MXRA8: variants seen among roughly 807,000 people sequenced by gnomAD.
MXRA8 encodes matrix remodeling associated 8, also known as matrix remodeling-associated protein 8.
In MXRA8, 44 loss-of-function variants were observed where a neutral mutation model predicts 51.4. The ratio of observed to expected loss-of-function variants is 0.86; its 90% confidence interval spans 0.67 to 1.10. The LOEUF is 1.10. MXRA8 is among the 50% of genes least tolerant of loss of function. The pLI is 0.00. For synonymous variants in MXRA8, 369 were observed against 293.5 expected (o/e 1.26, Z -2.63); for missense variants, 765 against 638.9 (o/e 1.20, Z -2.13).
In MXRA8 at chr1:1,354,420, C is replaced by T; in HGVS notation, c.1039G>A (p.Ala347Thr). The change falls in exon 6 of 10, where the codon GCC becomes ACC. Residue 347 changes from alanine to threonine, a missense_variant. Coordinates refer to ENST00000309212, the MANE Select transcript of MXRA8 (RefSeq NM_032348.4). ...HFFQQLGYVLATLLLFILLLV... is the reference protein window; with the variant it reads ...HFFQQLGYVLTTLLLFILLLV... ...AGCAGGATGAAGAGCAGCAGCGTGG[C>T]CAGCACGTAGCCCAGCTGCTGGAAG... 2 of 1,612,464 alleles carry T rather than the reference C, an allele frequency of 1.2e-6. No homozygotes were observed. Among genetic ancestry groups the T allele is most frequent in the Non-Finnish European group, 1.7e-6 (2 of 1,179,876 alleles).
In MXRA8 at chr1:1,355,572, G is replaced by GCGGGGCCACCCC. The variant is rs1644108135; in HGVS notation, c.242_253dup (p.Gly81_Pro84dup). On this transcript the variant is annotated inframe_insertion, in exon 3 of 10. Transcript: ENST00000309212. Reference sequence around the variant, plus strand: ...CGAGTACAAGTCCAGCAGGCGCCGCGCGGGGCCACCCCCGGGGCCGCGCAG... The same window carrying GCGGGGCCACCCC: ...CGAGTACAAGTCCAGCAGGCGCCGCGCGGGGCCACCCCCGGGGCCACCCCCGGGGCCGCGCAG... 4 of 1,479,548 alleles carry GCGGGGCCACCCC rather than the reference G, an allele frequency of 2.7e-6. No homozygotes were observed. In the Middle Eastern group the frequency reaches 6.8e-4, roughly 250 times the overall value. 91.7% of individuals were successfully genotyped at this position (1,479,548 alleles called of 1,614,324 possible).
At chr1:1,353,772 C>T in intron 9 of MXRA8, 76 bp downstream of exon 9, 1 of 1,486,632 alleles carries the variant, frequency 6.7e-7, no homozygotes, top group Non-Finnish European at 9.0e-7. Flanking sequence ...TGGTGCCTGC[C>T]ATCGTTGGTC....
chr1:1,355,798 G>A, intron 2 of MXRA8, 46 bp from the exon 3 acceptor site: 5 of 1,061,254 alleles, frequency 4.7e-6, no homozygotes, highest in Non-Finnish European at 6.0e-6. Flanking sequence ...GGCCCCCTAG[G>A]GCCCTGGTTG....
intron 2 of MXRA8, among the ~76,000 whole-genome samples, chr1:1,355,953 C>G (rs1462190276): frequency 1.2e-4 from 2 of 16,688 alleles, no homozygotes; most frequent in Admixed American, 8.3e-4. Flanking sequence ...GGGGGAGTCA[C>G]TGGGGGAGGG....
chr1:1,363,473 G>C (rs1441167289), upstream of MXRA8, among the ~76,000 whole-genome samples: 1 of 144,994 alleles, frequency 6.9e-6, no homozygotes, highest in Non-Finnish European at 1.5e-5. Context: ...TTGTTCTTTT[G>C]CTCAGGATGG....
rs756633467 is a variant in MXRA8 at position 1,355,194 on chromosome 1, CGGTCGAG to C, written c.478+43_479-43del. On this transcript the variant is annotated intron_variant, in intron 4 of 9. Coordinates refer to ENST00000309212, the MANE Select transcript of MXRA8 (RefSeq NM_032348.4). ...GTCAGCGGCGCGCGGGCCGGGGCGG[CGGTCGAG>C]GGTCGAGGGGCGGGAGCTGGGGGGC... 2.1e-4 allele frequency: 188 copies of C among 875,314 alleles called. 1 individual carries two copies. In the South Asian group the frequency reaches 3.2e-3, roughly 15 times the overall value. The allele number at this position is 875,314 out of a possible 1,614,324, so 54.2% of individuals were successfully genotyped here.
In MXRA8 at chr1:1,353,437, C is replaced by A. The variant is rs1325370620; in HGVS notation, c.*167G>T. 4.6e-6 allele frequency: 7 copies of A among 1,510,706 alleles called. No individual in the cohort carries two copies. Among genetic ancestry groups the A allele is most frequent in the Non-Finnish European group, 5.3e-6 (6 of 1,126,222 alleles). 93.6% of individuals were successfully genotyped at this position (1,510,706 alleles called of 1,614,324 possible). ...GTGGGGGCTATGCTGCCACCAAGCC[C>A]CTGGGAGAGGGGTGTGGAGGCGGCC... On this transcript the variant is annotated 3_prime_UTR_variant, in exon 10 of 10. Transcript: ENST00000309212.
chr1:1,353,169 G>T lies in MXRA8; in HGVS notation c.*435C>A. The stretch of plus-strand genomic sequence containing the variant: ...ACTTCAAGGCTGCCAAGTTCTGATG[G>T]GAGTGTCCTCCTCCAGGAACATCTC... On this transcript the variant is annotated 3_prime_UTR_variant, in exon 10 of 10. Transcript: ENST00000309212. The T allele has an allele frequency of 9.9e-7, 1 of 1,012,160 alleles. No individual in the cohort carries two copies. Among genetic ancestry groups the T allele is most frequent in the Non-Finnish European group, 1.5e-6 (1 of 662,416 alleles). The allele number at this position is 1,012,160 out of a possible 1,614,324, so 62.7% of individuals were successfully genotyped here. A position where few individuals can be genotyped will look rare whatever the true frequency, so the allele number is the denominator to read the frequency against.
chr1:1,363,497 A>G (rs1006996723), upstream of MXRA8, among the ~76,000 whole-genome samples: 1 of 151,254 alleles, frequency 6.6e-6, no homozygotes, highest in South Asian at 2.1e-4. Flanking sequence ...GCAGTGGTGC[A>G]ATCTCAGAAT....
At chr1:1,353,798 TGGGGACAGGCA>T (rs752321089) in intron 9 of MXRA8, 39 bp downstream of exon 9, 3 of 1,521,832 alleles carry the variant, frequency 2.0e-6, no homozygotes, top group Non-Finnish European at 8.9e-7. Flanking sequence ...TGAGGTGGAA[TGGGGACAGGCA>T]GGGCTCTGAG....
chr1:1,357,159 A>G (rs751174412), intron 1 of MXRA8, among the ~76,000 whole-genome samples: 6 of 152,158 alleles, frequency 3.9e-5, no homozygotes, highest in Non-Finnish European at 8.8e-5. Flanking sequence ...GTGCTTCCGC[A>G]GGGCAGAGGC....
chr1:1,361,403 T>C (rs1460802818), upstream of MXRA8: 3 of 678,172 alleles, frequency 4.4e-6, no homozygotes, highest in Non-Finnish European at 2.7e-6. Context: ...CCTCCTGGAC[T>C]GTGCTGCATG....
intron 1 of MXRA8, 112 bp from the exon 2 acceptor site, chr1:1,356,816 C>T (rs1644143687): frequency 2.1e-6 from 2 of 951,256 alleles, no homozygotes; most frequent in East Asian, 3.2e-5. Flanking sequence ...TGCTGTGACA[C>T]CCACTTCAGT....
At chr1:1,363,090 AAAAAG>A (rs1347101765), upstream of MXRA8, among the ~76,000 whole-genome samples, 2 of 152,052 alleles carry the variant, frequency 1.3e-5, no homozygotes, top group African/African-American at 4.8e-5. Context: ...TCAAAAAAAA[AAAAAG>A]AAAGGAGTGA....
Position 1,355,698 on chromosome 1 carries a change from C to G in MXRA8, c.128G>C (p.Ser43Thr). Residue 43 changes from serine (S) to threonine (T), a missense_variant, in exon 3 of 10, where the codon AGC becomes ACC. Physicochemically the swap from Ser to Thr is moderately conservative, Grantham distance 58. Coordinates refer to ENST00000309212, the MANE Select transcript of MXRA8 (RefSeq NM_032348.4). ...CACCGCCCGGGCGCCCGCCTCCCAG[C>G]TCACCGCGGACTCGGACACCACGGA... The part of the protein sequence containing the change: ...GSSVVSESAV[S>T]WEAGARAVLR... 7.5e-7 allele frequency: 1 copy of G among 1,340,046 alleles called. No homozygotes were observed. The highest frequency in any genetic ancestry group is 9.5e-7 in the Non-Finnish European group (1 of 1,051,686). 83.0% of individuals were successfully genotyped at this position (1,340,046 alleles called of 1,614,324 possible).
Position 1,354,978 on chromosome 1 carries a change from C to A in MXRA8, c.653G>T (p.Arg218Leu). 1.9e-6 allele frequency: 3 copies of A among 1,596,198 alleles called. No individual in the cohort carries two copies. Among genetic ancestry groups the A allele is most frequent in the Non-Finnish European group, 2.6e-6 (3 of 1,172,766 alleles). ...GTAGAGGTCCAGCAGGCGGTCCGCG[C>A]GGTCGTGCGGGACCCCGGGCGGCTG... ...DRQPPGVPHD[R>L]ADRLLDLYAS... Residue 218 changes from arginine (R) to leucine (L), a missense_variant, in exon 5 of 10, where the codon CGC becomes CTC. Transcript: ENST00000309212.
Position 1,355,525 on chromosome 1 carries a change from C to A in MXRA8, c.301G>T (p.Glu101Ter). The change falls in exon 3 of 10, where the codon GAG becomes TAG. Residue 101 changes from glutamate to a stop codon, truncating the protein, a stop_gained. Transcript: ENST00000309212. LOFTEE classifies it high-confidence loss of function. ...LYSAGEQRVY[E>*]ARDRGRLELS... ...TCCAGGCGGCCGCGGTCCCGCGCCT[C>A]GTACACGCGCTGCTCGCCCGCCGAG... 1 of 1,496,612 alleles carries A rather than the reference C, an allele frequency of 6.7e-7. No individual in the cohort carries two copies. The highest frequency in any genetic ancestry group is 2.8e-5 in the East Asian group (1 of 36,086). The allele number at this position is 1,496,612 out of a possible 1,614,324, so 92.7% of individuals were successfully genotyped here. A position where few individuals can be genotyped will look rare whatever the true frequency, so the allele number is the denominator to read the frequency against.
upstream of MXRA8, among the ~76,000 whole-genome samples, chr1:1,360,841 CAT>C (rs1170952509): frequency 1.3e-5 from 2 of 152,206 alleles, no homozygotes; most frequent in Admixed American, 1.3e-4. Flanking sequence ...TATTCACTCC[CAT>C]GAGTGTGCAC....
intron 7 of MXRA8, 25 bp downstream of exon 7, chr1:1,354,168 G>A: frequency 6.2e-7 from 1 of 1,612,740 alleles, no homozygotes. Flanking sequence ...CTGGTCCCCA[G>A]GAGGGCCGGG....
Sources: gnomAD v4.1 joint callset for allele counts (sites outside exome capture counted in the v4.1 genomes callset) on GRCh38, gnomAD v4.1.1 for gene constraint, MANE v1.5 for transcripts, NCBI Gene and HGNC (gene_info 2026-07-23, HGNC 2026-07-21) for gene names.